Variants in ZBTB7C observed in about 807,000 individuals in gnomAD.
The protein encoded by ZBTB7C is zinc finger and BTB domain-containing protein 7C.
ZBTB7C carries 8 observed loss-of-function variants against 25.7 expected under a neutral mutation model. That is an observed-to-expected ratio of 0.31 (90% CI 0.18 to 0.56). The LOEUF (loss-of-function observed/expected upper bound fraction) is 0.56, where lower values mean the gene tolerates loss of function less well. Ranked by LOEUF, ZBTB7C falls within the 20% of genes least tolerant of loss-of-function variation. The pLI, the probability that ZBTB7C is intolerant of heterozygous loss-of-function variation, is 0.91. For synonymous variants in ZBTB7C, 394 were observed against 369.0 expected (o/e 1.07, Z -0.78); for missense variants, 824 against 855.2 (o/e 0.96, Z 0.46).
intron 3 of ZBTB7C, among the ~76,000 whole-genome samples, chr18:48,126,369 G>A (rs2144746785): frequency 6.6e-6 from 1 of 152,224 alleles, no homozygotes. Context: ...AGACAGCCCT[G>A]GGCACCACTC....
At chr18:48,399,609 T>C (rs2048113706) in intron 1 of ZBTB7C, among the ~76,000 whole-genome samples, 1 of 152,204 alleles carries the variant, frequency 6.6e-6, no homozygotes, top group South Asian at 2.1e-4. Context: ...CAGGACAGCC[T>C]TCCTGGGCCT....
At chr18:48,103,227 C>T (rs1295314040) in intron 3 of ZBTB7C, among the ~76,000 whole-genome samples, 7 of 151,406 alleles carry the variant, frequency 4.6e-5, no homozygotes, top group Non-Finnish European at 8.8e-5. Context: ...CAGAAAAGCA[C>T]ATTCCCAGTA....
Position 48,040,686 on chromosome 18 carries a change from T to G in ZBTB7C, c.422A>C (p.Asp141Ala). The G allele has an allele frequency of 6.2e-7, 1 of 1,613,840 alleles. No individual in the cohort carries two copies. Among genetic ancestry groups the G allele is most frequent in the Non-Finnish European group, 8.5e-7 (1 of 1,179,872 alleles). The change falls in exon 4 of 5, where the codon GAC becomes GCC. Residue 141 changes from aspartate to alanine, a missense_variant. Coordinates refer to ENST00000590800, the MANE Select transcript of ZBTB7C (RefSeq NM_001318841.2). ...GDGGEEDDKE[D>A]DDDDEDDDDE... The stretch of plus-strand genomic sequence containing the variant: ...ATCATCATCTTCGTCGTCGTCATCG[T>G]CCTCCTTGTCATCCTCCTCCCCCCC...
intron 3 of ZBTB7C, among the ~76,000 whole-genome samples, chr18:48,055,633 G>A (rs1021037406): frequency 7.9e-5 from 12 of 152,018 alleles, no homozygotes; most frequent in Non-Finnish European, 1.5e-5. Context: ...CAGGAGACAG[G>A]AGCCTGCCTT....
intron 2 of ZBTB7C, among the ~76,000 whole-genome samples, chr18:48,296,532 T>A (rs1202014923): frequency 2.0e-5 from 3 of 152,192 alleles, no homozygotes; most frequent in Admixed American, 1.3e-4. Context: ...ACATTATTTT[T>A]AAAAATTAGG....
chr18:48,119,373 CGCAAGCCCAGT>C, intron 3 of ZBTB7C, among the ~76,000 whole-genome samples: 1 of 152,342 alleles, frequency 6.6e-6, no homozygotes, highest in African/African-American at 2.4e-5. Flanking sequence ...CCAGCGCAGG[CGCAAGCCCAGT>C]GCAAGCGAGT....
intron 3 of ZBTB7C, among the ~76,000 whole-genome samples, chr18:48,051,392 C>A (rs1207208259): frequency 6.6e-6 from 1 of 152,200 alleles, no homozygotes; most frequent in African/African-American, 2.4e-5. Flanking sequence ...AGAGGACCCC[C>A]TTCGTCTATG....
chr18:48,387,842 G>GTTGTTGT (rs1167909102), intron 1 of ZBTB7C, among the ~76,000 whole-genome samples: 3 of 147,800 alleles, frequency 2.0e-5, no homozygotes, highest in African/African-American at 7.3e-5. Context: ...TGTTGTTGTT[G>GTTGTTGT]TTGTTTGTTT....
chr18:48,390,120 A>G (rs2047864849), intron 1 of ZBTB7C, among the ~76,000 whole-genome samples: 1 of 152,242 alleles, frequency 6.6e-6, no homozygotes, highest in South Asian at 2.1e-4. Context: ...TTTCTGTTTT[A>G]ATTAAAATCA....
At chr18:48,277,238 A>C (rs1302880918) in intron 2 of ZBTB7C, among the ~76,000 whole-genome samples, 3 of 146,582 alleles carry the variant, frequency 2.0e-5, no homozygotes, top group African/African-American at 7.7e-5. Context: ...AATTTTCGCA[A>C]CCTACTCATC....
intron 2 of ZBTB7C, among the ~76,000 whole-genome samples, chr18:48,243,869 C>T (rs185928562): frequency 1.3e-5 from 2 of 152,228 alleles, no homozygotes; most frequent in African/African-American, 4.8e-5. Context: ...GGAATAAAGC[C>T]ACATACTTAC....
At chr18:48,164,405 C>T (rs901066793) in intron 3 of ZBTB7C, among the ~76,000 whole-genome samples, 1 of 152,164 alleles carries the variant, frequency 6.6e-6, no homozygotes, top group Non-Finnish European at 1.5e-5. Flanking sequence ...GGCAAACATG[C>T]ACATACACAC....
chr18:48,064,109 C>A (rs2037229923), intron 3 of ZBTB7C, among the ~76,000 whole-genome samples: 1 of 152,146 alleles, frequency 6.6e-6, no homozygotes, highest in African/African-American at 2.4e-5. Flanking sequence ...AGGGTTGGCT[C>A]CATGCATATG....
At chr18:48,349,524 A>G (rs1333201089) in intron 1 of ZBTB7C, among the ~76,000 whole-genome samples, 1 of 152,192 alleles carries the variant, frequency 6.6e-6, no homozygotes, top group Non-Finnish European at 1.5e-5. Flanking sequence ...TTGTGAGAGG[A>G]GGCTGGGCAC....
At chr18:48,175,311 G>A (rs1028144578) in intron 3 of ZBTB7C, among the ~76,000 whole-genome samples, 2 of 152,184 alleles carry the variant, frequency 1.3e-5, no homozygotes, top group Non-Finnish European at 2.9e-5. Flanking sequence ...ACAATTCTGA[G>A]AGTATTTTTA....
chr18:48,079,325 A>G (rs2037893140), intron 3 of ZBTB7C, among the ~76,000 whole-genome samples: 1 of 152,224 alleles, frequency 6.6e-6, no homozygotes, highest in African/African-American at 2.4e-5. Context: ...TCTCTTGTAC[A>G]TAGTAGGCAC....
intron 3 of ZBTB7C, among the ~76,000 whole-genome samples, chr18:48,135,099 A>C (rs2040106225): frequency 1.3e-5 from 2 of 151,770 alleles, no homozygotes; most frequent in Non-Finnish European, 2.9e-5. Flanking sequence ...GCTCCATCTC[A>C]CTTCATCCAA....
intron 2 of ZBTB7C, among the ~76,000 whole-genome samples, chr18:48,307,913 C>G (rs953753068): frequency 1.3e-5 from 2 of 152,190 alleles, no homozygotes; most frequent in African/African-American, 4.8e-5. Flanking sequence ...ACAGGTATCT[C>G]TTTATGCAAT....
At chr18:48,066,672 G>A (rs1271142227) in intron 3 of ZBTB7C, among the ~76,000 whole-genome samples, 2 of 152,180 alleles carry the variant, frequency 1.3e-5, no homozygotes, top group Non-Finnish European at 2.9e-5. Flanking sequence ...ATCTTCAAAT[G>A]CAAGTCTACA....
Sources: gnomAD v4.1 joint callset for allele counts (sites outside exome capture counted in the v4.1 genomes callset) on GRCh38, gnomAD v4.1.1 for gene constraint, MANE v1.5 for transcripts, NCBI Gene and HGNC (gene_info 2026-07-23, HGNC 2026-07-21) for gene names.